ASCC1: variants seen among roughly 807,000 people sequenced by gnomAD.
The protein encoded by ASCC1 is activating signal cointegrator 1 complex subunit 1.
ASCC1 carries 35 observed loss-of-function variants against 46.6 expected under a neutral mutation model. That is an observed-to-expected ratio of 0.75 (90% CI 0.57 to 0.99). The LOEUF (loss-of-function observed/expected upper bound fraction) is 0.99, where lower values mean the gene tolerates loss of function less well. Ranked by LOEUF, ASCC1 falls within the 50% of genes least tolerant of loss-of-function variation. ASCC1 has a pLI of 0.00. For missense variants in ASCC1, 376 were observed against 428.7 expected, an observed-to-expected ratio of 0.88 and a Z score of 1.09; for synonymous variants, 143 against 146.6, an observed-to-expected ratio of 0.98 and a Z score of 0.18.
At chr10:72,123,668 GAA>G (rs925669594) in intron 9 of ASCC1, among the ~76,000 whole-genome samples, 9 of 149,122 alleles carry the variant, frequency 6.0e-5, no homozygotes, top group African/African-American at 2.2e-4. Context: ...CTGTCCTCTA[GAA>G]AAAAAAAATT....
intron 8 of ASCC1, among the ~76,000 whole-genome samples, chr10:72,129,790 G>T (rs891908624): frequency 3.3e-5 from 5 of 150,570 alleles, no homozygotes; most frequent in Admixed American, 1.3e-4. Context: ...TAGGCAACAA[G>T]AGCAAAACTT....
chr10:72,198,789 C>A, intron 4 of ASCC1: 1 of 414,130 alleles, frequency 2.4e-6, no homozygotes, highest in South Asian at 1.8e-5. Context: ...TTTCTATATA[C>A]TTTACTTCTC....
chr10:72,118,353 C>T (rs1288004648), intron 9 of ASCC1, among the ~76,000 whole-genome samples: 14 of 141,060 alleles, frequency 9.9e-5, no homozygotes, highest in African/African-American at 3.4e-4. Context: ...GGTGACAGAG[C>T]GAGACTCCAT....
At chr10:72,102,362 C>T in intron 9 of ASCC1, 1 of 1,549,798 alleles carries the variant, frequency 6.5e-7, no homozygotes, top group South Asian at 1.2e-5. Context: ...CCAAGCCCTT[C>T]TCGATTCTAG....
chr10:72,213,573 C>T (rs184966518), intron 1 of ASCC1, among the ~76,000 whole-genome samples: 3 of 150,290 alleles, frequency 2.0e-5, no homozygotes, highest in Non-Finnish European at 4.4e-5. Context: ...CACCCCCCCC[C>T]CAAAAATGAT....
rs57910616 is a variant in ASCC1, at chr10:72,193,445, AACACACACAC to A, written c.489+3356_489+3365del. ...AGACAAAACTACAAATAATAAACAAAACACACACACACACACACACACACACACACACACC... is the reference window on the plus strand; with the variant it reads ...AGACAAAACTACAAATAATAAACAAAACACACACACACACACACACACACC... On this transcript the variant is annotated intron_variant, in intron 5 of 9. Coordinates refer to ENST00000672957, the MANE Select transcript of ASCC1 (RefSeq NM_001198800.3). Among the ~76,000 whole-genome samples, 157 of 146,504 alleles carry A rather than the reference AACACACACAC, an allele frequency of 1.1e-3. 3 individuals are homozygous for A. Among genetic ancestry groups the A allele is most frequent in the African/African-American group, 3.2e-3 (128 of 39,830 alleles).
intron 7 of ASCC1, among the ~76,000 whole-genome samples, chr10:72,138,602 T>G (rs1469432585): frequency 3.6e-5 from 4 of 111,714 alleles, no homozygotes; most frequent in African/African-American, 3.0e-4. Context: ...CTTTCTTTCT[T>G]TTTTTTTTTT....
chr10:72,191,049 G>A (rs1295519379), intron 5 of ASCC1, among the ~76,000 whole-genome samples: 5 of 148,596 alleles, frequency 3.4e-5, no homozygotes, highest in Admixed American at 2.0e-4. Context: ...GACAGTAAGC[G>A]GTGGTGTATC....
chr10:72,125,101 C>T (rs1034059990), intron 9 of ASCC1, among the ~76,000 whole-genome samples: 3 of 152,162 alleles, frequency 2.0e-5, no homozygotes, highest in Non-Finnish European at 4.4e-5. Context: ...TACTAAGGCT[C>T]CCAGAACACA....
intron 7 of ASCC1, chr10:72,134,469 C>T (rs919994955): frequency 2.0e-5 from 3 of 152,214 alleles, no homozygotes; most frequent in Admixed American, 6.6e-5. Flanking sequence ...AAAAAACAAC[C>T]CTCGGTTTCC....
chr10:72,105,004 C>A (rs1445979840), intron 9 of ASCC1, among the ~76,000 whole-genome samples: 1 of 152,112 alleles, frequency 6.6e-6, no homozygotes, highest in South Asian at 2.1e-4. Flanking sequence ...TTGCCCATCC[C>A]GTCCCTTCTC....
rs1431679149 is a variant in ASCC1 at position 72,128,286 on chromosome 10, TAATG to T, written c.872-123_872-120del. On this transcript the variant is annotated intron_variant, in intron 8 of 9. Coordinates refer to ENST00000672957, the MANE Select transcript of ASCC1 (RefSeq NM_001198800.3). ...TTCATGAACTACCTGGAAAGTGGCA[TAATG>T]AAGAGGAAAAATGTCAGGCTATGAA... The T allele has an allele frequency of 1.5e-5, 12 of 804,106 alleles. No homozygotes were observed. In the Admixed American group the frequency reaches 2.3e-4, roughly 15 times the overall value. The allele number at this position is 804,106 out of a possible 1,614,324, so 49.8% of individuals were successfully genotyped here.
At chr10:72,178,861 G>C (rs2132985075) in intron 5 of ASCC1, among the ~76,000 whole-genome samples, 1 of 152,108 alleles carries the variant, frequency 6.6e-6, no homozygotes, top group African/African-American at 2.4e-5. Context: ...TGACGTATTT[G>C]ACATAAGCTA....
In ASCC1 at chr10:72,133,232, A is replaced by G. The variant is rs749555954; in HGVS notation, c.747-51T>C. On this transcript the variant is annotated intron_variant, in intron 7 of 9. Transcript: ENST00000672957. ...CAGAAATCTTAGTAAACTTCTGAACATGCGATTACCAATTCAACAATGTTT... is the reference window on the plus strand; with the variant it reads ...CAGAAATCTTAGTAAACTTCTGAACGTGCGATTACCAATTCAACAATGTTT... The G allele has an allele frequency of 2.5e-6, 4 of 1,593,536 alleles. No homozygotes were observed. The Admixed American group carries it at 5.0e-5, about 20-fold the overall frequency.
At chr10:72,172,872 ATATATTATATTTT>A (rs1851373540) in intron 5 of ASCC1, among the ~76,000 whole-genome samples, 1 of 123,338 alleles carries the variant, frequency 8.1e-6, no homozygotes, top group Non-Finnish European at 1.7e-5. Flanking sequence ...TATATATATT[ATATATTATATTTT>A]TATATTATAT....
intron 5 of ASCC1, among the ~76,000 whole-genome samples, chr10:72,190,833 T>G (rs988124615): frequency 3.3e-5 from 5 of 150,904 alleles, no homozygotes; most frequent in Non-Finnish European, 7.4e-5. Context: ...CCATCTCTAT[T>G]AAAAATATAA....
chr10:72,136,165 A>G (rs1846164055), intron 7 of ASCC1, among the ~76,000 whole-genome samples: 1 of 152,146 alleles, frequency 6.6e-6, no homozygotes, highest in Non-Finnish European at 1.5e-5. Context: ...TGGGACTACA[A>G]GTAAATGCCA....
At chr10:72,131,333 T>C (rs6480597) in intron 8 of ASCC1, among the ~76,000 whole-genome samples, 151,234 of 152,210 alleles carry the variant, frequency 0.99, 75,150 homozygotes, top group Middle Eastern at 1. Context: ...GCAGGAGAAT[T>C]GCTTCAACCT....
intron 1 of ASCC1, among the ~76,000 whole-genome samples, chr10:72,215,110 T>A (rs79313147): frequency 1.3e-5 from 2 of 152,184 alleles, no homozygotes; most frequent in East Asian, 3.8e-4. Flanking sequence ...AATACACTAA[T>A]GTTCAAGCCA....
Sources: allele counts gnomAD v4.1 joint callset (sites outside exome capture counted in the v4.1 genomes callset), GRCh38; gene constraint gnomAD v4.1.1; transcripts MANE v1.5; gene names NCBI Gene and HGNC (gene_info 2026-07-23, HGNC 2026-07-21).